The following AHRR variants were observed in gnomAD, a reference collection of about 807,000 sequenced individuals.
AHRR encodes the protein ahR repressor.
Under a neutral mutation model 44.0 loss-of-function variants are expected in AHRR, and 28 were observed. The observed-to-expected ratio is 0.64, with a 90% CI of 0.47 to 0.87. The LOEUF (loss-of-function observed/expected upper bound fraction) is 0.87, where lower values mean the gene tolerates loss of function less well. AHRR is among the 40% of genes least tolerant of loss of function. The pLI is 0.00. For missense variants in AHRR, 990 were observed against 953.9 expected, an observed-to-expected ratio of 1.04 and a Z score of -0.50; for synonymous variants, 434 against 407.0, an observed-to-expected ratio of 1.07 and a Z score of -0.80.
chr5:352,355 G>A (rs1417406082), intron 2 of AHRR, among the ~76,000 whole-genome samples: 14 of 151,178 alleles, frequency 9.3e-5, no homozygotes, highest in African/African-American at 3.2e-4. Context: ...CAGCTGTAGG[G>A]GACGGTCACT....
chr5:426,871 G>GAATT (rs373398128), intron 7 of AHRR, among the ~76,000 whole-genome samples: 2 of 150,406 alleles, frequency 1.3e-5, no homozygotes, highest in Admixed American at 6.6e-5. Context: ...GTGGATGGAT[G>GAATT]GATGGATGGG....
intron 8 of AHRR, among the ~76,000 whole-genome samples, chr5:429,325 C>G (rs944917358): frequency 7.6e-6 from 1 of 131,206 alleles, no homozygotes; most frequent in Admixed American, 8.5e-5. Context: ...GAGGTAGGGC[C>G]GGGGCCGCCA....
At chr5:379,890 A>G (rs561199667) in intron 4 of AHRR, among the ~76,000 whole-genome samples, 1 of 152,326 alleles carries the variant, frequency 6.6e-6, no homozygotes, top group South Asian at 2.1e-4. Flanking sequence ...TTTTGTTGCC[A>G]CATCTCATTA....
intron 4 of AHRR, among the ~76,000 whole-genome samples, chr5:408,960 C>T (rs1024850244): frequency 1.3e-5 from 2 of 152,116 alleles, no homozygotes; most frequent in African/African-American, 4.8e-5. Context: ...TGTATTTGTA[C>T]ATAGGTCTTT....
rs144193107 is a variant in AHRR at position 356,327 on chromosome 5, G to A, written c.244+2416G>A. Among the ~76,000 whole-genome samples, 525 of 152,308 alleles carry A rather than the reference G, an allele frequency of 3.4e-3. 8 individuals carry two copies. In the East Asian group the frequency reaches 0.04, roughly 12 times the overall value. ...CTGAACCCTGGTCACAGCCTGGGAC[G>A]TGGGACCCTAACACTGACCAGGAAG... On this transcript the variant is annotated intron_variant, in intron 3 of 10. Coordinates refer to ENST00000684583, the MANE Select transcript of AHRR (RefSeq NM_001377236.1).
At position 387,589 on chromosome 5, in the gene AHRR, G is replaced by C. The variant is rs188737628; in HGVS notation, c.351+10873G>C. Among the ~76,000 whole-genome samples, 363 of 152,338 alleles carry C rather than the reference G, an allele frequency of 2.4e-3. 1 individual carries two copies. Among genetic ancestry groups the C allele is most frequent in the African/African-American group, 8.0e-3 (333 of 41,574 alleles). On this transcript the variant is annotated intron_variant, in intron 4 of 10. Coordinates refer to ENST00000684583, the MANE Select transcript of AHRR (RefSeq NM_001377236.1). This position sits in a 1 kb window ranked among gnomAD's most constrained non-coding sequence, Gnocchi z 5.1. ...CCTGCCTTTCACCCTGTCTGCTGAGGGATGAGGCACTGTTGGAGGTCCTGG... is the reference window on the plus strand; with the variant it reads ...CCTGCCTTTCACCCTGTCTGCTGAGCGATGAGGCACTGTTGGAGGTCCTGG...
chr5:387,876 G>A lies in AHRR; in HGVS notation c.351+11160G>A, dbSNP rs999835177. Among the ~76,000 whole-genome samples, 1 of 152,368 alleles carries A rather than the reference G, an allele frequency of 6.6e-6. No homozygotes were observed. On this transcript the variant is annotated intron_variant, in intron 4 of 10. Coordinates refer to ENST00000684583, the MANE Select transcript of AHRR (RefSeq NM_001377236.1). The surrounding 1 kb of genome is among the most constrained non-coding windows in gnomAD (Gnocchi z 5.1). Reference sequence around the variant, plus strand: ...CCAGGAGCCAAAACCAGCGCCGATGGGCTGCAAGCGAGGTGTTGGCAGGAC... The same window carrying A: ...CCAGGAGCCAAAACCAGCGCCGATGAGCTGCAAGCGAGGTGTTGGCAGGAC...
rs913905926 is a variant in AHRR, at chr5:395,301, C to T, written c.352-18043C>T. The stretch of plus-strand genomic sequence containing the variant: ...ACAGAGGGGGCCTGGGAGACACGAG[C>T]CCCGGTGGTGGGATGCAGTTAGCTG... On this transcript the variant is annotated intron_variant, in intron 4 of 10. Coordinates refer to ENST00000684583, the MANE Select transcript of AHRR (RefSeq NM_001377236.1). The surrounding 1 kb of genome is among the most constrained non-coding windows in gnomAD (Gnocchi z 5.3). Among the ~76,000 whole-genome samples, 2 of 152,168 alleles carry T rather than the reference C, an allele frequency of 1.3e-5. No individual in the cohort carries two copies. Among genetic ancestry groups the T allele is most frequent in the Non-Finnish European group, 1.5e-5 (1 of 68,024 alleles).
intron 1 of AHRR, among the ~76,000 whole-genome samples, chr5:343,141 G>A (rs1560882860): frequency 6.6e-6 from 1 of 152,148 alleles, no homozygotes; most frequent in Non-Finnish European, 1.5e-5. Flanking sequence ...TGCGCTCTTG[G>A]GGGTGATGGG....
intron 3 of AHRR, among the ~76,000 whole-genome samples, chr5:375,936 T>C (rs1733600384): frequency 6.6e-6 from 1 of 151,974 alleles, no homozygotes; most frequent in Admixed American, 6.6e-5. Context: ...GGAGTGGGAG[T>C]GTCCTTGGGG....
chr5:432,855 C>T lies in AHRR; in HGVS notation c.1020C>T (p.Asp340=), dbSNP rs201184789. 1,524 of 1,613,740 alleles carry T rather than the reference C, an allele frequency of 9.4e-4. 5 individuals are homozygous for T. Among genetic ancestry groups the T allele is most frequent in the Non-Finnish European group, 1.1e-3 (1,240 of 1,180,012 alleles). The part of the protein sequence containing the change: ...SGVLVLREQT[D]AGRWAQVPAR... ...TTTTGGTGCTCAGGGAACAGACTGA[C>T]GCTGGCCGATGGGCACAGGTTCCCG... Residue 340 remains aspartate, a synonymous_variant, in exon 10 of 11, where the codon GAC becomes GAT. Transcript: ENST00000684583.
At chr5:363,837 A>G (rs1324542681) in intron 3 of AHRR, among the ~76,000 whole-genome samples, 3 of 152,214 alleles carry the variant, frequency 2.0e-5, no homozygotes. Context: ...CCTCCTGTCA[A>G]ACTTGAGCTT....
chr5:421,283 GC>G (rs1736102323), intron 5 of AHRR: 4 of 698,736 alleles, frequency 5.7e-6, no homozygotes, highest in African/African-American at 1.8e-5. Flanking sequence ...CACGGAACGG[GC>G]GAGGCTGTTG....
intron 8 of AHRR, among the ~76,000 whole-genome samples, chr5:430,397 C>G (rs1454284631): frequency 6.6e-6 from 1 of 152,226 alleles, no homozygotes; most frequent in Non-Finnish European, 1.5e-5. Flanking sequence ...TCTGGGAGGA[C>G]CCCGTCACAC....
chr5:388,480 G>A lies in AHRR; in HGVS notation c.351+11764G>A, dbSNP rs1025906956. 3.3e-5 allele frequency among the ~76,000 whole-genome samples: 5 copies of A among 152,288 alleles called. No individual in the cohort carries two copies. The highest frequency in any genetic ancestry group is 6.5e-5 in the Admixed American group (1 of 15,308). On this transcript the variant is annotated intron_variant, in intron 4 of 10. Transcript: ENST00000684583. The surrounding 1 kb of genome is among the most constrained non-coding windows in gnomAD (Gnocchi z 5.2). ...ACACCCTTGTAAGGAGGGAGCCGGG[G>A]TCCCCACTGCTGCTTTTCTCCCAGG...
chr5:424,183 G>GT lies in AHRR; in HGVS notation c.708+206_708+207insT, dbSNP rs1446716072. Among the ~76,000 whole-genome samples, 12 of 143,350 alleles carry GT rather than the reference G, an allele frequency of 8.4e-5. 1 individual carries two copies. The highest frequency in any genetic ancestry group is 1.6e-4 in the African/African-American group (6 of 37,810). 94.0% of individuals were successfully genotyped at this position (143,350 alleles called of 152,430 possible). On this transcript the variant is annotated intron_variant, in intron 7 of 10. Transcript: ENST00000684583. The stretch of plus-strand genomic sequence containing the variant: ...GTCTCTGGTGGGTGGGAGAGGGCTG[G>GT]GCACTGAGCTCTGTGCACCCTGTGA...
intron 7 of AHRR, 104 bp from the exon 8 acceptor site, chr5:427,703 C>G: frequency 6.2e-7 from 1 of 1,613,722 alleles, no homozygotes; most frequent in Non-Finnish European, 8.5e-7. Context: ...GAGCTGCCTC[C>G]CTACGAATTC....
intron 1 of AHRR, among the ~76,000 whole-genome samples, chr5:328,195 G>C (rs1430355864): frequency 1.4e-5 from 2 of 142,216 alleles, no homozygotes; most frequent in African/African-American, 5.1e-5. Context: ...GGCTGTACTA[G>C]TTTACATTCC....
At chr5:366,434 A>ATGAG (rs1160561723) in intron 3 of AHRR, among the ~76,000 whole-genome samples, 2 of 76,024 alleles carry the variant, frequency 2.6e-5, no homozygotes, top group African/African-American at 5.9e-5. Flanking sequence ...ATTTATATAA[A>ATGAG]TGAATGAATA....
Sources: gnomAD v4.1 joint callset for allele counts (sites outside exome capture counted in the v4.1 genomes callset) on GRCh38, gnomAD v4.1.1 for gene constraint, Gnocchi (gnomAD v3.1) non-coding constraint, MANE v1.5 for transcripts, NCBI Gene and HGNC (gene_info 2026-07-23, HGNC 2026-07-21) for gene names.